TERB2: variants seen among roughly 807,000 people sequenced by gnomAD.
TERB2 encodes the protein telomere repeats-binding bouquet formation protein 2.
Under a neutral mutation model 29.8 loss-of-function variants are expected in TERB2, and 26 were observed. That is an observed-to-expected ratio of 0.87 (90% CI 0.64 to 1.21). TERB2 has a LOEUF of 1.21. Ranked by LOEUF, TERB2 falls within the 50% of genes most tolerant of loss-of-function variation. The pLI, the probability that TERB2 is intolerant of heterozygous loss-of-function variation, is 0.00. For synonymous variants in TERB2, 80 were observed against 90.8 expected (o/e 0.88, Z 0.68); for missense variants, 240 against 268.6 (o/e 0.89, Z 0.74).
rs750885024 is a variant in TERB2, at chr15:44,956,706, G to T, written c.-13G>T. ...GGCCTCCTCTCTCACATCTCCACAG[G>T]CTTGGCGACGCCATGTTTCAAGGGC... On this transcript the variant is annotated 5_prime_UTR_variant, in exon 1 of 7. Transcript: ENST00000340827. 1 of 1,598,826 alleles carries T rather than the reference G, an allele frequency of 6.3e-7. No individual in the cohort carries two copies.
chr15:44,962,244 C>A (rs1204448755), intron 4 of TERB2, among the ~76,000 whole-genome samples: 2 of 148,090 alleles, frequency 1.4e-5, no homozygotes, highest in Non-Finnish European at 3.0e-5. Flanking sequence ...TGCAGTGGTG[C>A]GATCTCGGCT....
intron 3 of TERB2, among the ~76,000 whole-genome samples, chr15:44,961,104 CT>C (rs1891794964): frequency 6.7e-6 from 1 of 148,604 alleles, no homozygotes; most frequent in African/African-American, 2.5e-5. Context: ...TAATGTATAT[CT>C]AATGATACAG....
At position 44,978,792 on chromosome 15, in the gene TERB2, G is replaced by C; in HGVS notation, c.*164G>C. On this transcript the variant is annotated 3_prime_UTR_variant, in exon 7 of 7. Coordinates refer to ENST00000340827, the MANE Select transcript of TERB2 (RefSeq NM_152448.3). Reference sequence around the variant, plus strand: ...GGAAATACAGAATCATTTTGGTTCTGTGTTTTGACATTTTTCCCCTAGCTT... The same window carrying C: ...GGAAATACAGAATCATTTTGGTTCTCTGTTTTGACATTTTTCCCCTAGCTT... The C allele has an allele frequency of 1.0e-6, 1 of 977,218 alleles. No individual in the cohort carries two copies. The highest frequency in any genetic ancestry group is 1.3e-6 in the Non-Finnish European group (1 of 742,030). 60.5% of individuals were successfully genotyped at this position (977,218 alleles called of 1,614,324 possible).
intron 6 of TERB2, among the ~76,000 whole-genome samples, chr15:44,977,326 C>T (rs1430130066): frequency 2.0e-5 from 3 of 152,176 alleles, no homozygotes; most frequent in Non-Finnish European, 4.4e-5. Context: ...AAAAATGCTA[C>T]AATAATCTAT....
At chr15:44,965,724 T>C (rs1891879270) in intron 4 of TERB2, among the ~76,000 whole-genome samples, 1 of 150,894 alleles carries the variant, frequency 6.6e-6, no homozygotes, top group Non-Finnish European at 1.5e-5. Flanking sequence ...CAGCTTACTT[T>C]ATATTTTTGA....
Position 44,957,075 on chromosome 15 carries a change from G to A in TERB2, c.146+98G>A, listed in dbSNP as rs951898152. 1.8e-5 allele frequency: 23 copies of A among 1,277,308 alleles called. No homozygotes were observed. The African/African-American group carries it at 2.2e-4, about 12-fold the overall frequency. 79.1% of individuals were successfully genotyped at this position (1,277,308 alleles called of 1,614,324 possible). A position where few individuals can be genotyped will look rare whatever the true frequency, so the allele number is the denominator to read the frequency against. ...CTAATAAATATTGATGAGGCTGGGC[G>A]CGGTGGCGGACACCTATAATCCCAG... On this transcript the variant is annotated intron_variant, in intron 2 of 6. Transcript: ENST00000340827.
chr15:44,962,023 T>C (rs1436407743), intron 4 of TERB2, among the ~76,000 whole-genome samples: 2 of 152,064 alleles, frequency 1.3e-5, no homozygotes, highest in African/African-American at 2.4e-5. Flanking sequence ...TTAAAGGGCA[T>C]GCTGTTATTG....
At chr15:44,964,511 C>T (rs187343031) in intron 4 of TERB2, among the ~76,000 whole-genome samples, 1 of 152,152 alleles carries the variant, frequency 6.6e-6, no homozygotes, top group East Asian at 1.9e-4. Context: ...TTAATTTCAT[C>T]ATTTAGCTTT....
rs1020049437 is a variant in TERB2 at position 44,956,987 on chromosome 15, G to A, written c.146+10G>A. 20 of 1,610,648 alleles carry A rather than the reference G, an allele frequency of 1.2e-5. No homozygotes were observed. Among genetic ancestry groups the A allele is most frequent in the Non-Finnish European group, 1.4e-5 (17 of 1,178,322 alleles). On this transcript the variant is annotated intron_variant, in intron 2 of 6. Coordinates refer to ENST00000340827, the MANE Select transcript of TERB2 (RefSeq NM_152448.3). ...ACCCAGACACGCTGAGGTACTGAGG[G>A]CGACCTGGCAGTGCCTCTTATGTTA...
intron 3 of TERB2, among the ~76,000 whole-genome samples, chr15:44,959,302 C>A (rs535234595): frequency 6.6e-6 from 1 of 152,116 alleles, no homozygotes; most frequent in African/African-American, 2.4e-5. Context: ...TTTTAATTTT[C>A]CCTGCTTGGA....
At chr15:44,964,059 T>C (rs1226907352) in intron 4 of TERB2, among the ~76,000 whole-genome samples, 1 of 152,180 alleles carries the variant, frequency 6.6e-6, no homozygotes, top group Non-Finnish European at 1.5e-5. Flanking sequence ...TCCGCCTGCC[T>C]TGGCCTCCCA....
In TERB2 at chr15:44,978,886, T is replaced by C; in HGVS notation, c.*258T>C. On this transcript the variant is annotated 3_prime_UTR_variant, in exon 7 of 7. Coordinates refer to ENST00000340827, the MANE Select transcript of TERB2 (RefSeq NM_152448.3). ...GTAATTGCCGTTAAAATATATTTCA[T>C]AAGAAGTCTCAATCTCAAACTCTCC... 1 of 249,108 alleles carries C rather than the reference T, an allele frequency of 4.0e-6. No homozygotes were observed. Among genetic ancestry groups the C allele is most frequent in the East Asian group, 1.0e-4 (1 of 9,826 alleles). The allele number at this position is 249,108 out of a possible 1,614,324, so 15.4% of individuals were successfully genotyped here. A position where few individuals can be genotyped will look rare whatever the true frequency, so the allele number is the denominator to read the frequency against.
intron 5 of TERB2, among the ~76,000 whole-genome samples, chr15:44,969,528 C>T (rs528484337): frequency 2.3e-4 from 35 of 151,898 alleles, no homozygotes; most frequent in Non-Finnish European, 4.7e-4. Flanking sequence ...GTGGCTCACA[C>T]CTGTCATCCC....
At chr15:44,957,061 T>C (rs2141237358) in intron 2 of TERB2, 84 bp downstream of exon 2, 2 of 1,404,620 alleles carry the variant, frequency 1.4e-6, no homozygotes, top group Non-Finnish European at 2.0e-6. Context: ...TAATAAATAT[T>C]GATGAGGCTG....
At chr15:44,961,191 G>GAT (rs34640759) in intron 3 of TERB2, among the ~76,000 whole-genome samples, 10,921 of 136,216 alleles carry the variant, frequency 0.08, 478 homozygotes, top group African/African-American at 0.13. Flanking sequence ...ATACCTCAAT[G>GAT]ATATATATAT....
rs758643789 is a variant in TERB2 at position 44,973,942 on chromosome 15, C to A, written c.510C>A (p.Asn170Lys). 1.9e-6 allele frequency: 3 copies of A among 1,595,208 alleles called. No individual in the cohort carries two copies. Among genetic ancestry groups the A allele is most frequent in the Non-Finnish European group, 2.6e-6 (3 of 1,169,898 alleles). Residue 170 changes from asparagine (N) to lysine (K), a missense_variant, in exon 6 of 7, where the codon AAC becomes AAA. Asn to Lys is a moderately conservative substitution (Grantham distance 94, BLOSUM62 0). Coordinates refer to ENST00000340827, the MANE Select transcript of TERB2 (RefSeq NM_152448.3). ...MYFPLQNYPV[N>K]NMVTGYISID... ...TCCCTCTACAGAATTACCCAGTTAA[C>A]AACATGGTAACAGGTAGTTTAAAAT...
At chr15:44,966,338 A>G (rs1891887808) in intron 5 of TERB2, 95 bp downstream of exon 5, 4 of 614,482 alleles carry the variant, frequency 6.5e-6, no homozygotes, top group East Asian at 7.2e-5. Context: ...CAGTTTTCCT[A>G]TGAGATAGAT....
At chr15:44,963,270 C>T (rs557311131) in intron 4 of TERB2, among the ~76,000 whole-genome samples, 9 of 152,038 alleles carry the variant, frequency 5.9e-5, no homozygotes, top group South Asian at 2.1e-4. Flanking sequence ...AACAGCATCA[C>T]CAATATTGGA....
intron 6 of TERB2, among the ~76,000 whole-genome samples, chr15:44,978,010 T>C (rs1892070684): frequency 6.6e-6 from 1 of 152,180 alleles, no homozygotes. Context: ...GACTGAGCAG[T>C]AACATCGATT....
Sources: gnomAD v4.1 joint callset for allele counts (sites outside exome capture counted in the v4.1 genomes callset) on GRCh38, gnomAD v4.1.1 for gene constraint, MANE v1.5 for transcripts, NCBI Gene and HGNC (gene_info 2026-07-23, HGNC 2026-07-21) for gene names.